ARNT: variants seen among roughly 807,000 people sequenced by gnomAD.
ARNT encodes the protein aryl hydrocarbon receptor nuclear translocator.
In ARNT, 30 loss-of-function variants were observed where a neutral mutation model predicts 105.0. The observed-to-expected ratio is 0.29, with a 90% CI of 0.21 to 0.39. The LOEUF (loss-of-function observed/expected upper bound fraction) is 0.39, where lower values mean the gene tolerates loss of function less well. ARNT is among the 10% of genes least tolerant of loss of function. ARNT has a pLI of 1.00. For missense variants in ARNT, 748 were observed against 978.7 expected (o/e 0.76, Z 3.15); for synonymous variants, 304 against 344.0 (o/e 0.88, Z 1.29).
chr1:150,840,330 T>A (rs1177583654), intron 5 of ARNT, among the ~76,000 whole-genome samples: 1 of 152,186 alleles, frequency 6.6e-6, no homozygotes, highest in East Asian at 1.9e-4. Context: ...ATGGAACATA[T>A]AACCTCAGCT....
intron 14 of ARNT, among the ~76,000 whole-genome samples, chr1:150,821,828 CTTTTTTTT>C (rs367766946): frequency 2.6e-5 from 3 of 114,910 alleles, no homozygotes; most frequent in Non-Finnish European, 5.2e-5. Flanking sequence ...TTTGTATTTT[CTTTTTTTT>C]TTTTTTTTTT....
At chr1:150,814,672 G>A (rs996846823) in intron 19 of ARNT, among the ~76,000 whole-genome samples, 8 of 151,964 alleles carry the variant, frequency 5.3e-5, no homozygotes, top group Admixed American at 1.3e-4. Context: ...TGAAATCCCC[G>A]TCTCTACTAA....
At chr1:150,834,003 C>T (rs1367483233) in intron 8 of ARNT, among the ~76,000 whole-genome samples, 3 of 151,082 alleles carry the variant, frequency 2.0e-5, no homozygotes, top group African/African-American at 2.4e-5. Flanking sequence ...GGCACAATCT[C>T]GGCTCACTGC....
At chr1:150,862,089 G>A (rs1037443643) in intron 1 of ARNT, among the ~76,000 whole-genome samples, 4 of 152,082 alleles carry the variant, frequency 2.6e-5, no homozygotes, top group East Asian at 1.9e-4. Flanking sequence ...TCCCTTCCAC[G>A]TAACAATATA....
chr1:150,813,569 C>G (rs1183911719), intron 20 of ARNT, among the ~76,000 whole-genome samples: 3 of 152,022 alleles, frequency 2.0e-5, no homozygotes, highest in Non-Finnish European at 4.4e-5. Context: ...AATGTGCATA[C>G]TATTAAATGT....
intron 3 of ARNT, among the ~76,000 whole-genome samples, chr1:150,847,793 T>C (rs1662522289): frequency 6.6e-6 from 1 of 152,216 alleles, no homozygotes; most frequent in East Asian, 1.9e-4. Flanking sequence ...TCTTCCCTTC[T>C]TCACATTTAC....
intron 11 of ARNT, 183 bp from the exon 12 acceptor site, chr1:150,829,410 C>T (rs1263232965): frequency 6.3e-6 from 4 of 638,614 alleles, no homozygotes; most frequent in African/African-American, 5.5e-5. Flanking sequence ...TAAGGTCTAG[C>T]TCTGCTCCCA....
intron 21 of ARNT, among the ~76,000 whole-genome samples, 167 bp from the exon 22 acceptor site, chr1:150,812,277 C>A (rs879626240): frequency 2.6e-5 from 4 of 152,198 alleles, no homozygotes; most frequent in African/African-American, 9.6e-5. Context: ...TAGATCGCAG[C>A]CTTTTTTCCT....
At chr1:150,875,650 A>G (rs1668129403) in intron 1 of ARNT, among the ~76,000 whole-genome samples, 1 of 152,246 alleles carries the variant, frequency 6.6e-6, no homozygotes, top group African/African-American at 2.4e-5. Context: ...GAATAACTGT[A>G]ACATAGAGGA....
At chr1:150,854,845 G>A (rs1235492199) in intron 2 of ARNT, among the ~76,000 whole-genome samples, 6 of 92,382 alleles carry the variant, frequency 6.5e-5, no homozygotes, top group Admixed American at 4.9e-4. Context: ...CAACAAGAGC[G>A]AAACTACATC....
Position 150,831,919 on chromosome 1 carries a change from G to T in ARNT, c.870-16C>A. 4 of 1,413,344 alleles carry T rather than the reference G, an allele frequency of 2.8e-6. No homozygotes were observed. The highest frequency in any genetic ancestry group is 3.8e-6 in the Non-Finnish European group (4 of 1,039,464). 87.6% of individuals were successfully genotyped at this position (1,413,344 alleles called of 1,614,324 possible). A position where few individuals can be genotyped will look rare whatever the true frequency, so the allele number is the denominator to read the frequency against. ...AAGTCCATTCCTAGAAGAGTTACAG[G>T]AGTTTGAAAAAAAAAAAAAAAATCT... On this transcript the variant is annotated splice_polypyrimidine_tract_variant and intron_variant, in intron 9 of 21. Transcript: ENST00000358595.
At position 150,818,042 on chromosome 1, in the gene ARNT, G is replaced by C. The variant is rs769502294; in HGVS notation, c.1395-12C>G. On this transcript the variant is annotated splice_polypyrimidine_tract_variant and intron_variant, in intron 14 of 21. Coordinates refer to ENST00000358595, the MANE Select transcript of ARNT (RefSeq NM_001668.4). Reference sequence around the variant, plus strand: ...CTTGGCTAGAGTTCCTAGGAAACCAGAGTAGACAGTAAAGAGGGGGTGGAG... The same window carrying C: ...CTTGGCTAGAGTTCCTAGGAAACCACAGTAGACAGTAAAGAGGGGGTGGAG... The C allele has an allele frequency of 3.8e-6, 6 of 1,585,468 alleles. No individual in the cohort carries two copies. In the Admixed American group the frequency reaches 6.8e-5, roughly 18 times the overall value.
At chr1:150,817,730 A>G (rs1290374859) in intron 15 of ARNT, among the ~76,000 whole-genome samples, 190 bp downstream of exon 15, 1 of 150,658 alleles carries the variant, frequency 6.6e-6, no homozygotes, top group Admixed American at 6.7e-5. Context: ...AATCACTTGA[A>G]CCCAGGAGAC....
Position 150,816,245 on chromosome 1 carries a change from A to G in ARNT, c.1950+14T>C, listed in dbSNP as rs1325851011. The G allele has an allele frequency of 1.3e-6, 2 of 1,595,022 alleles. No homozygotes were observed. Among genetic ancestry groups the G allele is most frequent in the Non-Finnish European group, 1.7e-6 (2 of 1,174,590 alleles). On this transcript the variant is annotated intron_variant, in intron 19 of 21. Coordinates refer to ENST00000358595, the MANE Select transcript of ARNT (RefSeq NM_001668.4). ...AAAATAATACACAGGGAACACACAG[A>G]TGATAAGTTTTACCTGGGCAGAAAA...
At chr1:150,851,288 G>A (rs1366901679) in intron 3 of ARNT, among the ~76,000 whole-genome samples, 11 of 148,858 alleles carry the variant, frequency 7.4e-5, no homozygotes, top group Non-Finnish European at 1.3e-4. Flanking sequence ...GGTGGGGGGC[G>A]CCTCTGCCCG....
intron 4 of ARNT, among the ~76,000 whole-genome samples, chr1:150,842,727 G>C (rs1295490008): frequency 6.6e-6 from 1 of 152,060 alleles, no homozygotes; most frequent in Non-Finnish European, 1.5e-5. Flanking sequence ...TAACTTACAA[G>C]ATAAAGGTCA....
rs1283833181 is a variant in ARNT, at chr1:150,846,239, A to G, written c.227+24T>C. The G allele has an allele frequency of 2.5e-6, 4 of 1,590,188 alleles. No homozygotes were observed. The African/African-American group carries it at 4.0e-5, about 16-fold the overall frequency. On this transcript the variant is annotated intron_variant, in intron 4 of 21. Coordinates refer to ENST00000358595, the MANE Select transcript of ARNT (RefSeq NM_001668.4). The stretch of plus-strand genomic sequence containing the variant: ...AACATGGATCATATTATATATTACA[A>G]TATATTACCTACTACAATATTACCT...
intron 3 of ARNT, among the ~76,000 whole-genome samples, chr1:150,847,425 CA>C (rs587697329): frequency 1.1e-4 from 10 of 91,750 alleles, no homozygotes; most frequent in African/African-American, 3.1e-4. Flanking sequence ...GACTCCGTCT[CA>C]AAAAAAAAAA....
chr1:150,816,316 G>A lies in ARNT; in HGVS notation c.1893C>T (p.Pro631=). 3 of 1,607,006 alleles carry A rather than the reference G, an allele frequency of 1.9e-6. No homozygotes were observed. The highest frequency in any genetic ancestry group is 1.7e-6 in the Non-Finnish European group (2 of 1,178,052). The change falls in exon 19 of 22, where the codon CCC becomes CCT. Residue 631 remains proline (P), a synonymous_variant. Coordinates refer to ENST00000358595, the MANE Select transcript of ARNT (RefSeq NM_001668.4). The stretch of plus-strand genomic sequence containing the variant: ...TCCAAGTTGGGGTTGCTCCTTGGGT[G>A]GGGTTGGAGTGGCGGGAAATCTGGG... ...MLAQISRHSN[P]TQGATPTWTP...
Sources: allele counts gnomAD v4.1 joint callset (sites outside exome capture counted in the v4.1 genomes callset), GRCh38; gene constraint gnomAD v4.1.1; transcripts MANE v1.5; gene names NCBI Gene and HGNC (gene_info 2026-07-23, HGNC 2026-07-21).